FOXP1: variants seen among roughly 807,000 people sequenced by gnomAD.
The protein encoded by FOXP1 is forkhead box protein P1.
FOXP1 carries 15 observed loss-of-function variants against 98.2 expected under a neutral mutation model. That is an observed-to-expected ratio of 0.15 (90% CI 0.10 to 0.24). The LOEUF is 0.24. Among genes scored for constraint, FOXP1 ranks in the 10% least tolerant of loss-of-function variants. The pLI is 1.00. For synonymous variants in FOXP1, 371 were observed against 314.5 expected (o/e 1.18, Z -1.90); for missense variants, 633 against 848.5 (o/e 0.75, Z 3.15).
rs1559548462 is a variant in FOXP1 at position 70,956,223 on chromosome 3, C to CATATGTACA, written c.*3023_*3024insTGTACATAT. On this transcript the variant is annotated 3_prime_UTR_variant, in exon 21 of 21. Coordinates refer to ENST00000649528, the MANE Select transcript of FOXP1 (RefSeq NM_001349338.3). ...CAAAAAAGACAAAGATTCACACAGA[C>CATATGTACA]ACATCGGGATATATGTACAACGTAA... 8.6e-6 allele frequency: 2 copies of CATATGTACA among 233,358 alleles called. No homozygotes were observed. Among genetic ancestry groups the CATATGTACA allele is most frequent in the African/African-American group, 2.2e-5 (1 of 45,306 alleles). 14.5% of individuals were successfully genotyped at this position (233,358 alleles called of 1,614,324 possible).
intron 2 of FOXP1, among the ~76,000 whole-genome samples, chr3:71,549,675 C>T (rs1189356742): frequency 2.0e-5 from 3 of 151,994 alleles, no homozygotes; most frequent in African/African-American, 4.8e-5. Context: ...ACACCTAGCC[C>T]AAAACATATA....
intron 3 of FOXP1, among the ~76,000 whole-genome samples, chr3:71,411,558 G>A (rs937134535): frequency 2.0e-5 from 3 of 152,026 alleles, no homozygotes; most frequent in Non-Finnish European, 4.4e-5. Flanking sequence ...TCCTGACCTC[G>A]TGATCCACCC....
intron 5 of FOXP1, among the ~76,000 whole-genome samples, chr3:71,280,561 T>C (rs2071426618): frequency 6.6e-6 from 1 of 152,098 alleles, no homozygotes; most frequent in South Asian, 2.1e-4. Context: ...TGACCTCAAG[T>C]GATCCACCTG....
chr3:71,133,837 G>GT (rs914997053), intron 6 of FOXP1, among the ~76,000 whole-genome samples: 23 of 140,056 alleles, frequency 1.6e-4, no homozygotes, highest in East Asian at 4.2e-4. Flanking sequence ...TGTGTGTGAT[G>GT]TTTTTTTTTC....
At chr3:70,997,384 G>A (rs985469553) in intron 13 of FOXP1, among the ~76,000 whole-genome samples, 13 of 152,310 alleles carry the variant, frequency 8.5e-5, no homozygotes, top group Admixed American at 5.9e-4. Flanking sequence ...CTGCGGAGAA[G>A]GAGGAAGCCT....
chr3:71,130,512 G>C, intron 6 of FOXP1: 1 of 1,598,428 alleles, frequency 6.3e-7, no homozygotes, highest in African/African-American at 1.3e-5. Flanking sequence ...AAAATGAAGA[G>C]TTTGGCGAAG....
intron 4 of FOXP1, among the ~76,000 whole-genome samples, chr3:71,344,937 A>G (rs996358415): frequency 1.3e-5 from 2 of 152,230 alleles, no homozygotes; most frequent in Non-Finnish European, 2.9e-5. Context: ...TGCTAAGATC[A>G]TAGGAAAATA....
chr3:71,288,576 CAT>C (rs2072418082), intron 5 of FOXP1, among the ~76,000 whole-genome samples: 2 of 152,184 alleles, frequency 1.3e-5, no homozygotes, highest in South Asian at 4.1e-4. Flanking sequence ...TTACAATCGA[CAT>C]ATTCTAAGTT....
chr3:71,008,646 C>A (rs2043113605), intron 12 of FOXP1, among the ~76,000 whole-genome samples: 2 of 152,048 alleles, frequency 1.3e-5, no homozygotes, highest in African/African-American at 4.8e-5. Flanking sequence ...TAAATGCATA[C>A]AATAGACTGG....
chr3:71,486,567 C>T (rs1170662937), intron 3 of FOXP1, among the ~76,000 whole-genome samples: 11 of 152,162 alleles, frequency 7.2e-5, no homozygotes, highest in African/African-American at 2.4e-4. Context: ...AGTCACTCTT[C>T]CGCACTCTGC....
chr3:71,544,001 ATGTATGTGTG>A (rs573693077), intron 2 of FOXP1, among the ~76,000 whole-genome samples: 1 of 79,724 alleles, frequency 1.3e-5, no homozygotes, highest in South Asian at 3.0e-4. Context: ...ATATACACAC[ATGTATGTGTG>A]TATACACACA....
intron 3 of FOXP1, among the ~76,000 whole-genome samples, chr3:71,483,079 A>C (rs2090404136): frequency 6.6e-6 from 1 of 151,314 alleles, no homozygotes; most frequent in African/African-American, 2.4e-5. Context: ...AGCTCAAGCA[A>C]TCCACCCATC....
intron 4 of FOXP1, among the ~76,000 whole-genome samples, chr3:71,331,358 C>T (rs1317220669): frequency 6.6e-6 from 1 of 152,170 alleles, no homozygotes; most frequent in African/African-American, 2.4e-5. Flanking sequence ...GCCTTCCATG[C>T]CTGAGCCTCC....
intron 3 of FOXP1, among the ~76,000 whole-genome samples, chr3:71,427,451 G>A (rs761178888): frequency 3.9e-5 from 6 of 152,318 alleles, no homozygotes; most frequent in East Asian, 3.9e-4. Context: ...AAACCATGCC[G>A]CAGATGGAGT....
intron 7 of FOXP1, among the ~76,000 whole-genome samples, chr3:71,077,158 C>T (rs966881759): frequency 6.6e-6 from 1 of 152,178 alleles, no homozygotes; most frequent in Admixed American, 6.5e-5. Context: ...ACACCAAGGA[C>T]TTGTATGCTA....
At chr3:71,067,764 A>ACACACACACACACACACACACACAC (rs71104409) in intron 7 of FOXP1, among the ~76,000 whole-genome samples, 2 of 140,944 alleles carry the variant, frequency 1.4e-5, no homozygotes, top group Admixed American at 1.3e-4. Flanking sequence ...ACACACACAC[A>ACACACACACACACACACACACACAC]ATTAGCCACG....
chr3:71,407,310 G>A (rs952612658), intron 3 of FOXP1, among the ~76,000 whole-genome samples: 2 of 152,110 alleles, frequency 1.3e-5, no homozygotes, highest in Admixed American at 6.6e-5. Context: ...AGGCTGGGGT[G>A]GGGGGTGGCG....
At chr3:71,446,259 A>T (rs2086428623) in intron 3 of FOXP1, among the ~76,000 whole-genome samples, 1 of 152,148 alleles carries the variant, frequency 6.6e-6, no homozygotes, top group Admixed American at 6.5e-5. Context: ...TAATATAACT[A>T]TGAAAATTCA....
At chr3:71,186,647 G>T (rs1217775443) in intron 6 of FOXP1, among the ~76,000 whole-genome samples, 1 of 152,204 alleles carries the variant, frequency 6.6e-6, no homozygotes, top group Non-Finnish European at 1.5e-5. Context: ...GGAGGTGGAG[G>T]TTGCAGTGAG....
Sources: gnomAD v4.1 joint callset for allele counts (sites outside exome capture counted in the v4.1 genomes callset) on GRCh38, gnomAD v4.1.1 for gene constraint, MANE v1.5 for transcripts, NCBI Gene and HGNC (gene_info 2026-07-23, HGNC 2026-07-21) for gene names.